SMARCB1: variants seen among roughly 807,000 people sequenced by gnomAD.
SMARCB1 encodes SWI/SNF-related matrix-associated actin-dependent regulator of chromatin subfamily B member 1.
SMARCB1 carries 5 observed loss-of-function variants against 49.0 expected under a neutral mutation model. The ratio of observed to expected loss-of-function variants is 0.10; its 90% CI spans 0.05 to 0.21. The LOEUF (loss-of-function observed/expected upper bound fraction) is 0.21, where lower values mean the gene tolerates loss of function less well. SMARCB1 is among the 10% of genes least tolerant of loss of function. The pLI is 1.00. For synonymous variants in SMARCB1, 201 were observed against 200.1 expected, an observed-to-expected ratio of 1.00 and a Z score of -0.04; for missense variants, 226 against 509.2, an observed-to-expected ratio of 0.44 and a Z score of 5.35.
intron 5 of SMARCB1, 52 bp downstream of exon 5, chr22:23,803,474 G>A (rs370064081): frequency 1.2e-5 from 20 of 1,605,150 alleles, no homozygotes; most frequent in African/African-American, 5.4e-5. Context: ...TGTGTGTTAC[G>A]TGGGAACAGT....
rs1241356695 is a variant in SMARCB1, at chr22:23,836,992, G to GCCAGC, written c.*2813_*2817dup. 3 of 1,607,282 alleles carry GCCAGC rather than the reference G, an allele frequency of 1.9e-6. No homozygotes were observed. The highest frequency in any genetic ancestry group is 2.5e-6 in the Non-Finnish European group (3 of 1,177,154). Reference sequence around the variant, plus strand: ...GGGGAGGGGCCCGTGTTGAGCACAGGCCAGCACAGGTCCCCATCGGTGGGG... The same window carrying GCCAGC: ...GGGGAGGGGCCCGTGTTGAGCACAGGCCAGCCCAGCACAGGTCCCCATCGGTGGGG... On this transcript the variant is annotated 3_prime_UTR_variant, in exon 9 of 9. Coordinates refer to ENST00000644036, the MANE Select transcript of SMARCB1 (RefSeq NM_003073.5).
chr22:23,832,543 G>A (rs1384951209), intron 7 of SMARCB1, among the ~76,000 whole-genome samples: 1 of 152,220 alleles, frequency 6.6e-6, no homozygotes. Context: ...AAGGACCACA[G>A]AGAGGGGAGG....
intron 4 of SMARCB1, 117 bp downstream of exon 4, chr22:23,801,198 G>A (rs1396005132): frequency 4.3e-6 from 6 of 1,396,628 alleles, no homozygotes; most frequent in Non-Finnish European, 5.0e-6. Flanking sequence ...TCCCCACAAC[G>A]CCACAGTACC....
chr22:23,812,609 T>A (rs540997122), intron 5 of SMARCB1, among the ~76,000 whole-genome samples: 10 of 152,206 alleles, frequency 6.6e-5, no homozygotes, highest in African/African-American at 2.4e-4. Context: ...CAGCAATATA[T>A]AGAAATAATT....
chr22:23,793,767 G>A, intron 3 of SMARCB1, 79 bp downstream of exon 3: 1 of 1,062,706 alleles, frequency 9.4e-7, no homozygotes, highest in Non-Finnish European at 1.4e-6. Context: ...TTGGGTTGAA[G>A]TTAAATTGAA....
At chr22:23,799,346 C>T (rs1289221933) in intron 3 of SMARCB1, among the ~76,000 whole-genome samples, 1 of 151,400 alleles carries the variant, frequency 6.6e-6, no homozygotes, top group African/African-American at 2.4e-5. Flanking sequence ...GTGGTTGATC[C>T]CGGCTCACTG....
intron 3 of SMARCB1, among the ~76,000 whole-genome samples, chr22:23,797,165 AT>A (rs1928810210): frequency 6.8e-6 from 1 of 146,036 alleles, no homozygotes; most frequent in Admixed American, 6.8e-5. Context: ...CGCCCGGCTA[AT>A]TTTTTGTGTT....
chr22:23,823,263 G>A (rs1471726873), intron 6 of SMARCB1: 1 of 152,340 alleles, frequency 6.6e-6, no homozygotes, highest in African/African-American at 2.4e-5. Context: ...GGCTTGCTGG[G>A]TGGGAGCCAT....
At chr22:23,804,598 C>T (rs1157245916) in intron 5 of SMARCB1, among the ~76,000 whole-genome samples, 1 of 152,150 alleles carries the variant, frequency 6.6e-6, no homozygotes, top group Admixed American at 6.5e-5. Context: ...GGCTGGAGTG[C>T]GGTGGCACGA....
chr22:23,806,855 G>GC, intron 5 of SMARCB1, among the ~76,000 whole-genome samples: 1 of 149,440 alleles, frequency 6.7e-6, no homozygotes, highest in Non-Finnish European at 1.5e-5. Context: ...GGGAGGCAGA[G>GC]GTTGCAGTTA....
chr22:23,807,595 TAAAAA>T (rs3062485), intron 5 of SMARCB1, among the ~76,000 whole-genome samples: 5 of 147,902 alleles, frequency 3.4e-5, no homozygotes, highest in African/African-American at 1.0e-4. Flanking sequence ...TTTTTAAAGT[TAAAAA>T]AAAAAATCAA....
chr22:23,834,421 T>C lies in SMARCB1; in HGVS notation c.*241T>C. On this transcript the variant is annotated 3_prime_UTR_variant, in exon 9 of 9. Transcript: ENST00000644036. ...AGTCTCTGGGGTCAGGAAGAAACCTTATTTTAGGTTGTGTTTTGTTTTTGT... is the reference window on the plus strand; with the variant it reads ...AGTCTCTGGGGTCAGGAAGAAACCTCATTTTAGGTTGTGTTTTGTTTTTGT... The C allele has an allele frequency of 1.5e-6, 1 of 661,160 alleles. No individual in the cohort carries two copies. Among genetic ancestry groups the C allele is most frequent in the Non-Finnish European group, 2.8e-6 (1 of 362,038 alleles). The allele number at this position is 661,160 out of a possible 1,614,324, so 41.0% of individuals were successfully genotyped here.
intron 3 of SMARCB1, among the ~76,000 whole-genome samples, chr22:23,797,018 G>C (rs1016590764): frequency 4.1e-5 from 3 of 73,762 alleles, no homozygotes; most frequent in African/African-American, 1.5e-4. Context: ...TTTTTTTTTT[G>C]AGACGGAGTC....
intron 6 of SMARCB1, among the ~76,000 whole-genome samples, chr22:23,820,403 G>A (rs574797851): frequency 5.9e-5 from 9 of 152,170 alleles, no homozygotes; most frequent in Admixed American, 1.3e-4. Flanking sequence ...GTGAAACCCC[G>A]TCTCTACTAA....
At chr22:23,808,855 T>A (rs1275565904) in intron 5 of SMARCB1, among the ~76,000 whole-genome samples, 1 of 151,812 alleles carries the variant, frequency 6.6e-6, no homozygotes, top group Non-Finnish European at 1.5e-5. Context: ...TGTGCCACCA[T>A]ACCCGGTTAA....
intron 6 of SMARCB1, among the ~76,000 whole-genome samples, chr22:23,820,197 T>C (rs554624196): frequency 7.9e-5 from 12 of 151,612 alleles, no homozygotes; most frequent in Non-Finnish European, 1.8e-4. Flanking sequence ...TTTCCTTTCT[T>C]GTAGTATTTT....
intron 8 of SMARCB1, 109 bp downstream of exon 8, chr22:23,833,812 C>T (rs1345083299): frequency 7.7e-7 from 1 of 1,300,810 alleles, no homozygotes; most frequent in Non-Finnish European, 1.1e-6. Flanking sequence ...GACAGAGTAC[C>T]TCTAGTGCTG....
chr22:23,829,728 G>A (rs2030560938), intron 7 of SMARCB1, among the ~76,000 whole-genome samples: 1 of 152,220 alleles, frequency 6.6e-6, no homozygotes, highest in Non-Finnish European at 1.5e-5. Flanking sequence ...ATATAGTGCA[G>A]CGGTTTTTGA....
In SMARCB1 at chr22:23,837,302, C is replaced by G. The variant is rs1270705666; in HGVS notation, c.*3122C>G. ...CAAAGCCTTGCACAGAGTGCCAGCC[C>G]CGGGTTGGCCGTGAAGGACAAGCTT... On this transcript the variant is annotated 3_prime_UTR_variant, in exon 9 of 9. Coordinates refer to ENST00000644036, the MANE Select transcript of SMARCB1 (RefSeq NM_003073.5). 2 of 1,060,456 alleles carry G rather than the reference C, an allele frequency of 1.9e-6. No individual in the cohort carries two copies. The highest frequency in any genetic ancestry group is 2.7e-6 in the Non-Finnish European group (2 of 728,060). The allele number at this position is 1,060,456 out of a possible 1,614,324, so 65.7% of individuals were successfully genotyped here. A position where few individuals can be genotyped will look rare whatever the true frequency, so the allele number is the denominator to read the frequency against.
Sources: allele counts gnomAD v4.1 joint callset (sites outside exome capture counted in the v4.1 genomes callset), GRCh38; gene constraint gnomAD v4.1.1; transcripts MANE v1.5; gene names NCBI Gene and HGNC (gene_info 2026-07-23, HGNC 2026-07-21).